GPHN: variants seen among roughly 807,000 people sequenced by gnomAD.
GPHN encodes gephyrin.
Under a neutral mutation model 95.5 loss-of-function variants are expected in GPHN, and 17 were observed. The ratio of observed to expected loss-of-function variants is 0.18; its 90% confidence interval spans 0.12 to 0.27. GPHN has a LOEUF of 0.27. Among genes scored for constraint, GPHN ranks in the 10% least tolerant of loss-of-function variants. The pLI is 1.00. For synonymous variants in GPHN, 320 were observed against 322.5 expected, an observed-to-expected ratio of 0.99 and a Z score of 0.08; for missense variants, 660 against 978.1, an observed-to-expected ratio of 0.67 and a Z score of 4.34.
intron 12 of GPHN, among the ~76,000 whole-genome samples, chr14:67,095,805 G>A (rs1488662173): frequency 6.6e-6 from 1 of 151,840 alleles, no homozygotes; most frequent in African/African-American, 2.4e-5. Context: ...GGGAGGGATA[G>A]CATTAGGAGA....
chr14:67,731,212 T>C, the GPHN span, among the ~76,000 whole-genome samples: 1,446 of 137,230 alleles, frequency 0.011, 16 homozygotes, highest in African/African-American at 0.037. Context: ...TCTTTCTTTT[T>C]TTTTTTTTTT....
chr14:67,132,042 A>G (rs1307929929), intron 17 of GPHN, among the ~76,000 whole-genome samples: 1 of 152,158 alleles, frequency 6.6e-6, no homozygotes, highest in Non-Finnish European at 1.5e-5. Context: ...GGCTTACTTG[A>G]CTATGTCATA....
chr14:66,885,079 A>G (rs1217059479), intron 5 of GPHN, among the ~76,000 whole-genome samples: 1 of 152,052 alleles, frequency 6.6e-6, no homozygotes, highest in Non-Finnish European at 1.5e-5. Context: ...TATTTTTTAT[A>G]GAAATGAATC....
the GPHN span, among the ~76,000 whole-genome samples, chr14:67,496,755 C>T: frequency 7.7e-6 from 1 of 130,032 alleles, no homozygotes; most frequent in African/African-American, 2.8e-5. Context: ...TCCTTCCTTC[C>T]TCCCTCCCTC....
chr14:67,269,493 A>T, the GPHN span, among the ~76,000 whole-genome samples: 1 of 152,182 alleles, frequency 6.6e-6, no homozygotes, highest in African/African-American at 2.4e-5. Context: ...TCCTAACAGC[A>T]CTAATATACA....
At chr14:67,027,400 T>C (rs1333031004) in intron 10 of GPHN, among the ~76,000 whole-genome samples, 1 of 152,070 alleles carries the variant, frequency 6.6e-6, no homozygotes, top group South Asian at 2.1e-4. Context: ...GCACGATCTC[T>C]GCTCACTGCA....
intron 8 of GPHN, among the ~76,000 whole-genome samples, chr14:66,964,284 C>T (rs2069162587): frequency 6.6e-6 from 1 of 152,126 alleles, no homozygotes; most frequent in Admixed American, 6.6e-5. Context: ...AAATAATCTA[C>T]ACACATTATT....
At chr14:66,981,041 C>T (rs766936726) in intron 9 of GPHN, among the ~76,000 whole-genome samples, 10 of 152,274 alleles carry the variant, frequency 6.6e-5, no homozygotes, top group Admixed American at 5.2e-4. Flanking sequence ...AAGAGTGAAA[C>T]TCCGTCTCAA....
intron 1 of GPHN, among the ~76,000 whole-genome samples, chr14:66,605,690 C>T (rs923728922): frequency 9.9e-5 from 15 of 151,752 alleles, no homozygotes; most frequent in South Asian, 2.1e-4. Context: ...CCACCAAGCC[C>T]GGCTAATTTT....
At chr14:66,841,016 GATATA>G (rs768831453) in intron 4 of GPHN, among the ~76,000 whole-genome samples, 43 of 145,714 alleles carry the variant, frequency 3.0e-4, no homozygotes, top group East Asian at 7.9e-4. Context: ...TATAGATATA[GATATA>G]GATATAGATA....
chr14:67,417,805 G>A, the GPHN span, among the ~76,000 whole-genome samples: 189 of 152,026 alleles, frequency 1.2e-3, no homozygotes, highest in African/African-American at 3.9e-3. Context: ...ATGCAGTGCC[G>A]CAATCACAGC....
the GPHN span, chr14:67,583,998 C>A: frequency 6.2e-7 from 1 of 1,614,008 alleles, no homozygotes; most frequent in Non-Finnish European, 8.5e-7. Flanking sequence ...ACACCAGGCA[C>A]CTGGCAGATA....
chr14:67,338,856 C>G, the GPHN span: 1 of 1,104,318 alleles, frequency 9.1e-7, no homozygotes, highest in Middle Eastern at 2.6e-4. Flanking sequence ...ATAATAAACA[C>G]ATACCTAGAA....
the GPHN span, among the ~76,000 whole-genome samples, chr14:67,218,423 G>A: frequency 6.6e-6 from 1 of 152,132 alleles, no homozygotes. Flanking sequence ...AGTCTGCTTG[G>A]CTGACTCAGG....
At chr14:66,956,865 C>T (rs903963164) in intron 8 of GPHN, among the ~76,000 whole-genome samples, 1 of 147,736 alleles carries the variant, frequency 6.8e-6, no homozygotes, top group African/African-American at 2.5e-5. Context: ...ATCGCAAGAA[C>T]AAAAAACCAA....
chr14:66,712,514 T>G (rs2069746253), intron 2 of GPHN, among the ~76,000 whole-genome samples: 1 of 152,156 alleles, frequency 6.6e-6, no homozygotes. Context: ...TTGCAAAAAT[T>G]TTCTCCCATT....
chr14:67,724,635 C>G, the GPHN span: 2 of 1,403,000 alleles, frequency 1.4e-6, no homozygotes, highest in Non-Finnish European at 2.0e-6. Flanking sequence ...TGCCTCCCAC[C>G]CTTCTTCCCA....
chr14:66,939,461 A>G (rs563691838), intron 8 of GPHN, among the ~76,000 whole-genome samples: 6 of 152,182 alleles, frequency 3.9e-5, no homozygotes, highest in Non-Finnish European at 8.8e-5. Context: ...TATTGGATGA[A>G]AAGGAAAAAA....
At chr14:67,685,307 A>C in the GPHN span, 2 of 862,082 alleles carry the variant, frequency 2.3e-6, no homozygotes. Context: ...TCACATATGG[A>C]CTCTTTTGCC....
Sources: gnomAD v4.1 joint callset for allele counts (sites outside exome capture counted in the v4.1 genomes callset) on GRCh38, gnomAD v4.1.1 for gene constraint, MANE v1.5 for transcripts, NCBI Gene and HGNC (gene_info 2026-07-23, HGNC 2026-07-21) for gene names.